Variants in ADGRL3 observed in about 807,000 individuals in gnomAD.
ADGRL3 encodes adhesion G protein-coupled receptor L3, also known as calcium-independent alpha-latrotoxin receptor 3.
ADGRL3 carries 62 observed loss-of-function variants against 153.5 expected under a neutral mutation model. The ratio of observed to expected loss-of-function variants is 0.40; its 90% CI spans 0.33 to 0.50. ADGRL3 has a LOEUF of 0.50. Among genes scored for constraint, ADGRL3 ranks in the 20% least tolerant of loss-of-function variants. The pLI is 0.47. For missense variants in ADGRL3, 1,641 were observed against 1,859.4 expected (o/e 0.88, Z 2.16); for synonymous variants, 710 against 672.5 (o/e 1.06, Z -0.86).
rs1329015356 is a variant in ADGRL3, at chr4:62,071,690, C to G, written c.*782C>G. 1 of 404,930 alleles carries G rather than the reference C, an allele frequency of 2.5e-6. No individual in the cohort carries two copies. The highest frequency in any genetic ancestry group is 7.6e-5 in the East Asian group (1 of 13,176). 25.1% of individuals were successfully genotyped at this position (404,930 alleles called of 1,614,324 possible). ...TTTTGTGCTGGTCTTGCAAGTTTGT[C>G]TACCAGTAAGAGAGCAAAGTTTCCT... On this transcript the variant is annotated 3_prime_UTR_variant, in exon 27 of 27. Transcript: ENST00000683033.
chr4:61,860,518 T>A (rs2098329671), intron 9 of ADGRL3, among the ~76,000 whole-genome samples: 1 of 151,870 alleles, frequency 6.6e-6, no homozygotes, highest in Admixed American at 6.6e-5. Context: ...TGGATCGGTG[T>A]GGAGTAGAAG....
rs191591373 is a variant in ADGRL3 at position 61,777,289 on chromosome 4, C to T, written c.1400-36520C>T. ...CGGAGCTTTCAGTGAGCAGAGATCGCGCCACTGCACTCCAGCCTGGGCCAT... is the reference window on the plus strand; with the variant it reads ...CGGAGCTTTCAGTGAGCAGAGATCGTGCCACTGCACTCCAGCCTGGGCCAT... On this transcript the variant is annotated intron_variant, in intron 8 of 26. Transcript: ENST00000683033. Among the ~76,000 whole-genome samples the T allele has an allele frequency of 1.7e-3, 253 of 151,768 alleles. 8 individuals carry two copies. In the South Asian group the frequency reaches 0.037, roughly 22 times the overall value.
intron 2 of ADGRL3, among the ~76,000 whole-genome samples, chr4:61,423,504 C>T (rs920372948): frequency 6.6e-6 from 1 of 152,190 alleles, no homozygotes; most frequent in African/African-American, 2.4e-5. Flanking sequence ...GCTACATCAA[C>T]ATGATGTCAT....
chr4:61,780,238 G>A (rs546941541), intron 8 of ADGRL3, among the ~76,000 whole-genome samples: 10 of 152,150 alleles, frequency 6.6e-5, no homozygotes, highest in Middle Eastern at 3.2e-3. Flanking sequence ...AAGAGCAGCC[G>A]CCTGATATAG....
intron 1 of ADGRL3, among the ~76,000 whole-genome samples, chr4:61,374,662 A>G (rs2096582780): frequency 6.6e-6 from 1 of 152,148 alleles, no homozygotes; most frequent in African/African-American, 2.4e-5. Flanking sequence ...TGGCAATGCA[A>G]TGGAAATCTG....
At chr4:61,902,823 C>G (rs1239676291) in intron 11 of ADGRL3, among the ~76,000 whole-genome samples, 1 of 152,176 alleles carries the variant, frequency 6.6e-6, no homozygotes, top group African/African-American at 2.4e-5. Flanking sequence ...TACTCTACCA[C>G]ACTGGGATTC....
intron 1 of ADGRL3, among the ~76,000 whole-genome samples, chr4:61,291,105 A>AT: frequency 6.6e-6 from 1 of 150,468 alleles, no homozygotes; most frequent in Non-Finnish European, 1.5e-5. Flanking sequence ...TTCGATGTTT[A>AT]TTTTCAGTTT....
chr4:61,502,658 C>G (rs1464979916), intron 3 of ADGRL3, among the ~76,000 whole-genome samples: 1 of 151,994 alleles, frequency 6.6e-6, no homozygotes, highest in Admixed American at 6.6e-5. Context: ...ATAATTTTCA[C>G]TTTATTGTTA....
intron 2 of ADGRL3, among the ~76,000 whole-genome samples, chr4:61,487,193 T>A (rs879879471): frequency 2.6e-5 from 4 of 152,180 alleles, no homozygotes; most frequent in Non-Finnish European, 5.9e-5. Flanking sequence ...TAGAATCTAA[T>A]GACTGAAAAC....
intron 2 of ADGRL3, among the ~76,000 whole-genome samples, chr4:61,400,893 G>A (rs769848784): frequency 6.6e-6 from 1 of 150,612 alleles, no homozygotes; most frequent in African/African-American, 2.4e-5. Context: ...TGCTTGTGCA[G>A]TACACTGAAA....
At chr4:61,972,900 G>A (rs575178141) in intron 17 of ADGRL3, among the ~76,000 whole-genome samples, 3 of 152,024 alleles carry the variant, frequency 2.0e-5, no homozygotes, top group East Asian at 3.9e-4. Flanking sequence ...TGTGCAAAAA[G>A]TAAAACAGGT....
chr4:61,302,664 C>T (rs2094618370), intron 1 of ADGRL3, among the ~76,000 whole-genome samples: 1 of 151,842 alleles, frequency 6.6e-6, no homozygotes, highest in African/African-American at 2.4e-5. Context: ...TTAAAATACC[C>T]AGAAAACAAA....
intron 2 of ADGRL3, among the ~76,000 whole-genome samples, chr4:61,438,812 A>G (rs2097488844): frequency 6.7e-6 from 1 of 149,546 alleles, no homozygotes. Flanking sequence ...GGTTCACACC[A>G]TTCTCCTGCC....
chr4:61,332,818 G>T (rs969921817), intron 1 of ADGRL3, among the ~76,000 whole-genome samples: 1 of 151,982 alleles, frequency 6.6e-6, no homozygotes, highest in East Asian at 1.9e-4. Flanking sequence ...ATTCTGTCTT[G>T]AAAAAAATGC....
At chr4:61,621,350 A>G (rs1244037093) in intron 5 of ADGRL3, among the ~76,000 whole-genome samples, 2 of 152,216 alleles carry the variant, frequency 1.3e-5, no homozygotes, top group Non-Finnish European at 2.9e-5. Flanking sequence ...AAATACAACA[A>G]TAGCATTCTT....
At chr4:61,915,640 C>T (rs1031068840) in intron 13 of ADGRL3, among the ~76,000 whole-genome samples, 8 of 151,966 alleles carry the variant, frequency 5.3e-5, no homozygotes, top group Non-Finnish European at 1.0e-4. Flanking sequence ...CTTATAAGAC[C>T]AAATACAAAC....
In ADGRL3 at chr4:61,975,713, G is replaced by C. The variant is rs986934473; in HGVS notation, c.2806-3850G>C. Among the ~76,000 whole-genome samples, 5 of 152,160 alleles carry C rather than the reference G, an allele frequency of 3.3e-5. No homozygotes were observed. The South Asian group carries it at 1.0e-3, about 32-fold the overall frequency. On this transcript the variant is annotated intron_variant, in intron 17 of 26. Coordinates refer to ENST00000683033, the MANE Select transcript of ADGRL3 (RefSeq NM_001387552.1). ...AGATGGCTCCAATCAAGTTGGTGCAGTTGAGATGATAAGAACCTGTCAGGC... is the reference window on the plus strand; with the variant it reads ...AGATGGCTCCAATCAAGTTGGTGCACTTGAGATGATAAGAACCTGTCAGGC...
chr4:61,887,067 G>A (rs938055520), intron 9 of ADGRL3, among the ~76,000 whole-genome samples: 7 of 152,008 alleles, frequency 4.6e-5, no homozygotes, highest in African/African-American at 1.2e-4. Flanking sequence ...GTTTCACTAT[G>A]TTGGCCAGGC....
intron 6 of ADGRL3, among the ~76,000 whole-genome samples, chr4:61,682,701 C>T (rs1349197307): frequency 6.6e-6 from 1 of 151,844 alleles, no homozygotes; most frequent in Admixed American, 6.6e-5. Context: ...CCACTGTGCC[C>T]AGCAAGTATA....
Sources: gnomAD v4.1 joint callset for allele counts (sites outside exome capture counted in the v4.1 genomes callset) on GRCh38, gnomAD v4.1.1 for gene constraint, MANE v1.5 for transcripts, NCBI Gene and HGNC (gene_info 2026-07-23, HGNC 2026-07-21) for gene names.